Variants in EFCC1 observed in about 807,000 individuals in gnomAD.
EFCC1 encodes EF-hand and coiled-coil domain-containing protein 1.
EFCC1 carries 50 observed loss-of-function variants against 52.1 expected under a neutral mutation model. That is an observed-to-expected ratio of 0.96 (90% CI 0.76 to 1.21). EFCC1 has a LOEUF of 1.21. Ranked by LOEUF, EFCC1 falls within the 50% of genes most tolerant of loss-of-function variation. The probability of loss-of-function intolerance (pLI) is 0.00; values close to 1 mark genes in which losing one functional copy is unlikely to be tolerated. For synonymous variants in EFCC1, 399 were observed against 396.5 expected, an observed-to-expected ratio of 1.01 and a Z score of -0.08; for missense variants, 837 against 867.3, an observed-to-expected ratio of 0.97 and a Z score of 0.44.
At chr3:129,016,107 G>A (rs1341523207) in intron 2 of EFCC1, among the ~76,000 whole-genome samples, 3 of 152,212 alleles carry the variant, frequency 2.0e-5, no homozygotes, top group Non-Finnish European at 4.4e-5. Context: ...CCCAGGCGGT[G>A]TAATGGGCTT....
rs951217209 is a variant in EFCC1, at chr3:129,004,928, T to G, written c.980+851T>G. On this transcript the variant is annotated intron_variant, in intron 2 of 7. Transcript: ENST00000683648. ...AGTCACCACCCCTCACAGACCCTGCTTCCTCTTGGGTGGAACACAGATTGG... is the reference window on the plus strand; with the variant it reads ...AGTCACCACCCCTCACAGACCCTGCGTCCTCTTGGGTGGAACACAGATTGG... Among the ~76,000 whole-genome samples, 9 of 152,288 alleles carry G rather than the reference T, an allele frequency of 5.9e-5. No individual in the cohort carries two copies. In the East Asian group the frequency reaches 1.7e-3, roughly 29 times the overall value.
intron 5 of EFCC1, among the ~76,000 whole-genome samples, chr3:129,034,665 C>A (rs995685541): frequency 1.3e-5 from 2 of 152,142 alleles, no homozygotes; most frequent in East Asian, 3.9e-4. Context: ...GCCTCACTTT[C>A]CCCTAGTTCA....
intron 2 of EFCC1, chr3:129,030,443 A>AG (rs1946248344): frequency 3.2e-6 from 1 of 315,600 alleles, no homozygotes; most frequent in South Asian, 1.5e-4. Flanking sequence ...CTTTTCCTAG[A>AG]GGTTTTTTTT....
At position 129,015,783 on chromosome 3, in the gene EFCC1, C is replaced by G. The variant is rs368008837; in HGVS notation, c.980+11706C>G. Among the ~76,000 whole-genome samples, 17 of 152,014 alleles carry G rather than the reference C, an allele frequency of 1.1e-4. No individual in the cohort carries two copies. In the East Asian group the frequency reaches 2.1e-3, roughly 19 times the overall value. ...CCCTTCCTCTGCTGCATCCCGCCCC[C>G]CTACCCCAAGCTGTTCTTCCTGCTG... On this transcript the variant is annotated intron_variant, in intron 2 of 7. Transcript: ENST00000683648.
In EFCC1 at chr3:129,034,319, C is replaced by G; in HGVS notation, c.1442C>G (p.Ser481Cys). ...TGCGGTGGGAGGACCCTGGGGACCT[C>G]TGAGGAGGAGGTCAGCAGAGCCTAG... is the stretch of plus-strand genomic sequence containing the variant. The part of the protein sequence containing the change: ...QGCGGRTLGT[S>C]EEEAELQQKV... Residue 481 changes from serine (S) to cysteine (C), a missense_variant, in exon 5 of 8, where the codon TCT becomes TGT. Ser to Cys is a moderately radical substitution (Grantham distance 112). Transcript: ENST00000683648. The G allele has an allele frequency of 6.2e-7, 1 of 1,613,740 alleles. No homozygotes were observed. The highest frequency in any genetic ancestry group is 1.7e-5 in the Admixed American group (1 of 60,012).
rs1007545316 is a variant in EFCC1 at position 129,003,303 on chromosome 3, C to A, written c.697-491C>A. 8 of 984,758 alleles carry A rather than the reference C, an allele frequency of 8.1e-6. No homozygotes were observed. The African/African-American group carries it at 1.4e-4, about 17-fold the overall frequency. The allele number at this position is 984,758 out of a possible 1,614,324, so 61.0% of individuals were successfully genotyped here. A position where few individuals can be genotyped will look rare whatever the true frequency, so the allele number is the denominator to read the frequency against. Reference sequence around the variant, plus strand: ...TCTCATGCTTGGTATTTATTGAGCACCTACTATGTGCCAGGTTTGTTTTAG... The same window carrying A: ...TCTCATGCTTGGTATTTATTGAGCAACTACTATGTGCCAGGTTTGTTTTAG... On this transcript the variant is annotated intron_variant, in intron 1 of 7. Coordinates refer to ENST00000683648, the MANE Select transcript of EFCC1 (RefSeq NM_001377500.1).
At chr3:129,017,588 T>C (rs1945645908) in intron 2 of EFCC1, among the ~76,000 whole-genome samples, 1 of 152,218 alleles carries the variant, frequency 6.6e-6, no homozygotes, top group African/African-American at 2.4e-5. Flanking sequence ...GGGGTTGCTC[T>C]CTGCATTCCT....
rs2107937089 is a variant in EFCC1 at position 129,032,879 on chromosome 3, TGGA to T, written c.1207_1209del (p.Glu403del). ...CAGGCCGCCTCTGACGAGGAGGAGG[TGGA>T]GGAGGAGAGGTGGCAGGAGGAGAAG... On this transcript the variant is annotated inframe_deletion, in exon 4 of 8. Coordinates refer to ENST00000683648, the MANE Select transcript of EFCC1 (RefSeq NM_001377500.1). 6.4e-7 allele frequency: 1 copy of T among 1,550,870 alleles called. No homozygotes were observed. The highest frequency in any genetic ancestry group is 2.0e-5 in the Admixed American group (1 of 50,960).
intron 2 of EFCC1, among the ~76,000 whole-genome samples, chr3:129,009,808 G>A (rs1007713739): frequency 3.3e-5 from 5 of 152,232 alleles, no homozygotes; most frequent in African/African-American, 4.8e-5. Flanking sequence ...ACACAGAGCA[G>A]GCTTGTCTGG....
Position 129,001,529 on chromosome 3 carries a change from G to T in EFCC1, c.-100G>T. The stretch of plus-strand genomic sequence containing the variant: ...GCGCCGCTCCAACCAGACCGCGACC[G>T]CTAAGCCCCTCCTTTCGAGAAACTC... On this transcript the variant is annotated 5_prime_UTR_variant, in exon 1 of 8. Transcript: ENST00000683648. 1 of 1,336,494 alleles carries T rather than the reference G, an allele frequency of 7.5e-7. No individual in the cohort carries two copies. The highest frequency in any genetic ancestry group is 9.5e-7 in the Non-Finnish European group (1 of 1,049,128). 82.8% of individuals were successfully genotyped at this position (1,336,494 alleles called of 1,614,324 possible).
Position 129,010,598 on chromosome 3 carries a change from T to C in EFCC1, c.980+6521T>C, listed in dbSNP as rs1235476200. On this transcript the variant is annotated intron_variant, in intron 2 of 7. Coordinates refer to ENST00000683648, the MANE Select transcript of EFCC1 (RefSeq NM_001377500.1). The surrounding 1 kb of genome is among the most constrained non-coding windows in gnomAD (Gnocchi z 4.3). The stretch of plus-strand genomic sequence containing the variant: ...ATGAGGCCATCTGAGGGCTACCTCC[T>C]TTCTTCTGCCCCATTGCTGCTGCCT... Among the ~76,000 whole-genome samples the C allele has an allele frequency of 6.6e-6, 1 of 152,020 alleles. No homozygotes were observed. Among genetic ancestry groups the C allele is most frequent in the African/African-American group, 2.4e-5 (1 of 41,374 alleles).
At chr3:129,008,243 G>T (rs1057498351) in intron 2 of EFCC1, among the ~76,000 whole-genome samples, 2 of 152,232 alleles carry the variant, frequency 1.3e-5, no homozygotes, top group African/African-American at 4.8e-5. Flanking sequence ...TTTGTTCATG[G>T]ATAAGACAGC....
intron 5 of EFCC1, among the ~76,000 whole-genome samples, chr3:129,034,943 G>A (rs913134622): frequency 7.9e-5 from 12 of 152,098 alleles, no homozygotes; most frequent in Admixed American, 6.5e-4. Context: ...AAGGAAGTGT[G>A]GTAGGAAGAA....
chr3:129,004,057 G>T lies in EFCC1; in HGVS notation c.960G>T (p.Glu320Asp). 1 of 1,511,176 alleles carries T rather than the reference G, an allele frequency of 6.6e-7. No individual in the cohort carries two copies. The highest frequency in any genetic ancestry group is 8.8e-7 in the Non-Finnish European group (1 of 1,136,540). 93.6% of individuals were successfully genotyped at this position (1,511,176 alleles called of 1,614,324 possible). A position where few individuals can be genotyped will look rare whatever the true frequency, so the allele number is the denominator to read the frequency against. Residue 320 changes from glutamate to aspartate, a missense_variant, in exon 2 of 8, where the codon GAG becomes GAT. Coordinates refer to ENST00000683648, the MANE Select transcript of EFCC1 (RefSeq NM_001377500.1). The part of the protein sequence containing the change: ...PGLQRWVRRL[E>D]AELQRYRSED... ...TGCAGCGCTGGGTGCGGCGGCTGGA[G>T]GCGGAGCTGCAACGCTACAGGTGAG...
intron 2 of EFCC1, among the ~76,000 whole-genome samples, chr3:129,025,138 G>A (rs528873688): frequency 2.0e-5 from 3 of 152,262 alleles, no homozygotes; most frequent in African/African-American, 7.2e-5. Context: ...ATCTGAGCCC[G>A]AGGTTCAAGA....
At position 129,030,819 on chromosome 3, in the gene EFCC1, G is replaced by A; in HGVS notation, c.1097G>A (p.Trp366Ter). The change falls in exon 3 of 8, where the codon TGG (tryptophan) becomes TAG (stop). Residue 366 changes from tryptophan to a stop codon, truncating the protein, a stop_gained. Coordinates refer to ENST00000683648, the MANE Select transcript of EFCC1 (RefSeq NM_001377500.1). LOFTEE classifies it high-confidence loss of function. The part of the protein sequence containing the change: ...RDPDPTPEGA[W>*]QSDSSSGSRA... Reference sequence around the variant, plus strand: ...CCAGACCCCACTCCAGAGGGAGCCTGGCAGTCAGACAGCAGCTCTGGAAGC... The same window carrying A: ...CCAGACCCCACTCCAGAGGGAGCCTAGCAGTCAGACAGCAGCTCTGGAAGC... 1 of 1,551,502 alleles carries A rather than the reference G, an allele frequency of 6.4e-7. No individual in the cohort carries two copies. The highest frequency in any genetic ancestry group is 8.7e-7 in the Non-Finnish European group (1 of 1,146,886).
intron 2 of EFCC1, among the ~76,000 whole-genome samples, chr3:129,013,206 G>A (rs1264719176): frequency 2.6e-5 from 4 of 151,956 alleles, no homozygotes; most frequent in African/African-American, 4.8e-5. Context: ...TTGTTTTGAC[G>A]GTACAGCCTT....
In EFCC1 at chr3:129,034,330, G is replaced by A. The variant is rs760767741; in HGVS notation, c.1452+1G>A. ...GACCCTGGGGACCTCTGAGGAGGAG[G>A]TCAGCAGAGCCTAGAGATCAAAGGC... On this transcript the variant is annotated splice_donor_variant, in intron 5 of 7. Coordinates refer to ENST00000683648, the MANE Select transcript of EFCC1 (RefSeq NM_001377500.1). LOFTEE classifies it high-confidence loss of function. 2.5e-6 allele frequency: 4 copies of A among 1,613,806 alleles called. No individual in the cohort carries two copies. Among genetic ancestry groups the A allele is most frequent in the East Asian group, 2.2e-5 (1 of 44,876 alleles).
chr3:129,024,505 T>C (rs762844646), intron 2 of EFCC1, among the ~76,000 whole-genome samples: 6 of 149,504 alleles, frequency 4.0e-5, no homozygotes, highest in Admixed American at 6.7e-5. Context: ...CACTCCAGCC[T>C]GGGTGACAGA....
Sources: allele counts gnomAD v4.1 joint callset (sites outside exome capture counted in the v4.1 genomes callset), GRCh38; gene constraint gnomAD v4.1.1; non-coding constraint Gnocchi (gnomAD v3.1); transcripts MANE v1.5; gene names NCBI Gene and HGNC (gene_info 2026-07-23, HGNC 2026-07-21).